TBC1D32: variants seen among roughly 807,000 people sequenced by gnomAD.
The protein encoded by TBC1D32 is protein broad-minded.
TBC1D32 carries 151 observed loss-of-function variants against 170.3 expected under a neutral mutation model. That is an observed-to-expected ratio of 0.89 (90% CI 0.78 to 1.01). The LOEUF is 1.01. TBC1D32 is among the 50% of genes least tolerant of loss of function. The pLI is 0.00. For missense variants in TBC1D32, 1,464 were observed against 1,457.1 expected (o/e 1.00, Z -0.08); for synonymous variants, 498 against 488.0 (o/e 1.02, Z -0.27).
intron 12 of TBC1D32, among the ~76,000 whole-genome samples, chr6:121,288,480 A>G (rs979317826): frequency 1.3e-5 from 2 of 152,210 alleles, no homozygotes; most frequent in African/African-American, 4.8e-5. Flanking sequence ...GAATAGACCA[A>G]TAACAGGCTC....
At chr6:121,201,851 G>C (rs947323659) in intron 22 of TBC1D32, among the ~76,000 whole-genome samples, 2 of 150,642 alleles carry the variant, frequency 1.3e-5, no homozygotes, top group Non-Finnish European at 2.9e-5. Flanking sequence ...TTTCTGCATT[G>C]GTTAATTTAT....
In TBC1D32 at chr6:121,334,272, T is replaced by A; in HGVS notation, c.155+4A>T. 1.2e-6 allele frequency: 2 copies of A among 1,613,704 alleles called. No individual in the cohort carries two copies. Among genetic ancestry groups the A allele is most frequent in the Non-Finnish European group, 1.7e-6 (2 of 1,179,726 alleles). ...TAGGCTTAAAACATCAAAAGCAATT[T>A]TACTTGTGAAAATTTTCATCAGTTT... is the stretch of plus-strand genomic sequence containing the variant. On this transcript the variant is annotated splice_donor_region_variant and intron_variant, in intron 1 of 31. Transcript: ENST00000398212.
At chr6:121,137,152 G>A (rs567354366) in intron 24 of TBC1D32, among the ~76,000 whole-genome samples, 1 of 152,050 alleles carries the variant, frequency 6.6e-6, no homozygotes, top group South Asian at 2.1e-4. Context: ...CACTTCTTAA[G>A]ACTAAATAAG....
intron 15 of TBC1D32, among the ~76,000 whole-genome samples, chr6:121,265,652 C>T (rs913328991): frequency 6.6e-6 from 1 of 151,856 alleles, no homozygotes. Flanking sequence ...AATCTGGAGG[C>T]ATCATGCTAC....
In TBC1D32 at chr6:121,310,720, C is replaced by G. The variant is rs1178173811; in HGVS notation, c.564+59G>C. Reference sequence around the variant, plus strand: ...CAACCTGGTTGCTACTGATTGTAATCTCATATATTGTAAATGTATGTTATC... The same window carrying G: ...CAACCTGGTTGCTACTGATTGTAATGTCATATATTGTAAATGTATGTTATC... On this transcript the variant is annotated intron_variant, in intron 4 of 31. Coordinates refer to ENST00000398212, the MANE Select transcript of TBC1D32 (RefSeq NM_152730.6). The G allele has an allele frequency of 2.7e-6, 3 of 1,098,168 alleles. No homozygotes were observed. In the African/African-American group the frequency reaches 4.7e-5, roughly 17 times the overall value. 68.0% of individuals were successfully genotyped at this position (1,098,168 alleles called of 1,614,324 possible). A position where few individuals can be genotyped will look rare whatever the true frequency, so the allele number is the denominator to read the frequency against.
chr6:121,132,254 C>A (rs935080415), intron 24 of TBC1D32, among the ~76,000 whole-genome samples: 1 of 151,860 alleles, frequency 6.6e-6, no homozygotes, highest in Non-Finnish European at 1.5e-5. Flanking sequence ...GCTATTCTGG[C>A]ATATTGATTA....
intron 30 of TBC1D32, among the ~76,000 whole-genome samples, chr6:121,096,688 A>T (rs1376226980): frequency 6.6e-6 from 1 of 152,016 alleles, no homozygotes; most frequent in Non-Finnish European, 1.5e-5. Context: ...TAGAACTGGA[A>T]AAAACTACTT....
chr6:121,285,255 A>G (rs1027075839), intron 12 of TBC1D32, among the ~76,000 whole-genome samples: 2 of 152,196 alleles, frequency 1.3e-5, no homozygotes, highest in Non-Finnish European at 2.9e-5. Context: ...TTATTATAAC[A>G]AAAGGATACA....
intron 24 of TBC1D32, among the ~76,000 whole-genome samples, chr6:121,148,751 T>C (rs1783812406): frequency 6.6e-6 from 1 of 152,016 alleles, no homozygotes; most frequent in Non-Finnish European, 1.5e-5. Context: ...GTAGCTGGGA[T>C]TACAGGCATG....
At chr6:121,104,976 A>T (rs749266494) in intron 30 of TBC1D32, among the ~76,000 whole-genome samples, 31 of 151,890 alleles carry the variant, frequency 2.0e-4, no homozygotes, top group Admixed American at 3.3e-4. Context: ...GGAAAGTAGA[A>T]AGTAAATGAT....
intron 30 of TBC1D32, among the ~76,000 whole-genome samples, chr6:121,103,713 C>T (rs1029743003): frequency 6.6e-6 from 1 of 151,750 alleles, no homozygotes; most frequent in African/African-American, 2.4e-5. Context: ...TGCACATGTA[C>T]CCTAGAACTT....
At chr6:121,110,853 C>T (rs1181747895) in intron 29 of TBC1D32, among the ~76,000 whole-genome samples, 2 of 151,992 alleles carry the variant, frequency 1.3e-5, no homozygotes, top group East Asian at 1.9e-4. Context: ...GAATTCCTGT[C>T]GAGGAATCTT....
At chr6:121,299,615 T>G (rs759753852) in intron 9 of TBC1D32, 110 bp from the exon 10 acceptor site, 27 of 1,068,926 alleles carry the variant, frequency 2.5e-5, no homozygotes, top group Non-Finnish European at 3.4e-5. Flanking sequence ...AGCTTAGGTT[T>G]AAACCCTTAT....
chr6:121,286,178 T>A (rs998960075), intron 12 of TBC1D32, among the ~76,000 whole-genome samples: 2 of 151,556 alleles, frequency 1.3e-5, no homozygotes, highest in Admixed American at 1.3e-4. Context: ...CTTCAGAAGA[T>A]CAAACTACTC....
intron 12 of TBC1D32, among the ~76,000 whole-genome samples, chr6:121,291,518 A>G (rs1191713471): frequency 6.6e-6 from 1 of 152,154 alleles, no homozygotes. Context: ...TTAAGAGTTT[A>G]AGTATATACT....
At chr6:121,310,442 A>C (rs1808023017) in intron 4 of TBC1D32, among the ~76,000 whole-genome samples, 3 of 151,998 alleles carry the variant, frequency 2.0e-5, no homozygotes, top group Non-Finnish European at 4.4e-5. Context: ...AGAATTAAAA[A>C]TCTTTTTCTT....
At chr6:121,222,894 T>C (rs1794678230) in intron 21 of TBC1D32, among the ~76,000 whole-genome samples, 1 of 152,200 alleles carries the variant, frequency 6.6e-6, no homozygotes, top group Non-Finnish European at 1.5e-5. Flanking sequence ...AATTTATTCC[T>C]AATTATCCTA....
At chr6:121,189,910 T>C (rs939541141) in intron 22 of TBC1D32, among the ~76,000 whole-genome samples, 32 of 152,032 alleles carry the variant, frequency 2.1e-4, no homozygotes, top group African/African-American at 7.0e-4. Flanking sequence ...TGTCCAATTA[T>C]GGAATTATGG....
At chr6:121,332,236 G>T (rs1811315625) in intron 1 of TBC1D32, among the ~76,000 whole-genome samples, 1 of 151,750 alleles carries the variant, frequency 6.6e-6, no homozygotes, top group South Asian at 2.1e-4. Context: ...TATTAAAAAA[G>T]AAAAAAGAGC....
Sources: allele counts gnomAD v4.1 joint callset (sites outside exome capture counted in the v4.1 genomes callset), GRCh38; gene constraint gnomAD v4.1.1; transcripts MANE v1.5; gene names NCBI Gene and HGNC (gene_info 2026-07-23, HGNC 2026-07-21).